GGH: variants seen among roughly 807,000 people sequenced by gnomAD.
GGH encodes gamma-Glu-X carboxypeptidase.
In GGH, 18 loss-of-function variants were observed where a neutral mutation model predicts 39.2. The ratio of observed to expected loss-of-function variants is 0.46; its 90% CI spans 0.32 to 0.68. The LOEUF (loss-of-function observed/expected upper bound fraction) is 0.68. Among genes scored for constraint, GGH ranks in the 30% least tolerant of loss-of-function variants. The pLI, the probability that GGH is intolerant of heterozygous loss-of-function variation, is 0.04. For missense variants in GGH, 367 were observed against 384.1 expected, an observed-to-expected ratio of 0.96 and a Z score of 0.37; for synonymous variants, 147 against 138.8, an observed-to-expected ratio of 1.06 and a Z score of -0.42.
In GGH at chr8:63,015,385, G is replaced by A. The variant is rs909198126; in HGVS notation, c.904C>T (p.Pro302Ser). ...EEKALIYQFS[P>S]IYTGNISSFQ... ...GAAGAAATATTTCCAGTATAAATTG[G>A]ACTGAACTGATAAATCAATGCTTTC... is the stretch of plus-strand genomic sequence containing the variant. The change falls in exon 9 of 9, where the codon CCA becomes TCA. Residue 302 changes from proline to serine, a missense_variant. Physicochemically the swap from Pro to Ser is moderately conservative, Grantham distance 74. Transcript: ENST00000260118. 2 of 1,397,966 alleles carry A rather than the reference G, an allele frequency of 1.4e-6. No individual in the cohort carries two copies. Among genetic ancestry groups the A allele is most frequent in the African/African-American group, 2.8e-5 (2 of 70,536 alleles). The allele number at this position is 1,397,966 out of a possible 1,614,324, so 86.6% of individuals were successfully genotyped here.
At chr8:63,021,172 CT>C (rs766878387) in intron 7 of GGH, among the ~76,000 whole-genome samples, 7 of 152,136 alleles carry the variant, frequency 4.6e-5, no homozygotes, top group Non-Finnish European at 1.0e-4. Context: ...TCCCTTGTGA[CT>C]TGCTTCTTTA....
At position 63,027,240 on chromosome 8, in the gene GGH, C is replaced by T; in HGVS notation, c.301G>A (p.Asp101Asn). The T allele has an allele frequency of 6.3e-7, 1 of 1,597,240 alleles. No homozygotes were observed. The highest frequency in any genetic ancestry group is 8.6e-7 in the Non-Finnish European group (1 of 1,164,982). ...NGILFPGGSV[D>N]LRRSDYAKVA... ...TTAGCATAATCTGAGCGTCTGAGGT[C>T]AACACTTCCTCCAGGGAAAAGGATT... Residue 101 changes from aspartate (D) to asparagine (N), a missense_variant, in exon 4 of 9, where the codon GAC (aspartate) becomes AAC (asparagine). Coordinates refer to ENST00000260118, the MANE Select transcript of GGH (RefSeq NM_003878.3).
chr8:63,035,619 T>C, intron 2 of GGH, 37 bp downstream of exon 2: 1 of 1,564,244 alleles, frequency 6.4e-7, no homozygotes, highest in Non-Finnish European at 8.6e-7. Flanking sequence ...CAATTTTTTA[T>C]ACAGAGTAAA....
chr8:63,030,984 G>A (rs774740582), intron 2 of GGH, among the ~76,000 whole-genome samples: 2 of 152,176 alleles, frequency 1.3e-5, no homozygotes, highest in Non-Finnish European at 2.9e-5. Flanking sequence ...GCAACAATAA[G>A]GGAAGAGAGC....
At position 63,038,776 on chromosome 8, in the gene GGH, G is replaced by C; in HGVS notation, c.-8C>G. The C allele has an allele frequency of 6.8e-7, 1 of 1,465,574 alleles. No individual in the cohort carries two copies. Among genetic ancestry groups the C allele is most frequent in the South Asian group, 1.3e-5 (1 of 78,728 alleles). 90.8% of individuals were successfully genotyped at this position (1,465,574 alleles called of 1,614,324 possible). A position where few individuals can be genotyped will look rare whatever the true frequency, so the allele number is the denominator to read the frequency against. On this transcript the variant is annotated 5_prime_UTR_variant, in exon 1 of 9. Coordinates refer to ENST00000260118, the MANE Select transcript of GGH (RefSeq NM_003878.3). ...GCAGCCCGGACTGGCCATGGCGCTC[G>C]CCGCCTCCCGCCGCCTTTCAAAAGC...
chr8:63,029,243 C>T (rs60800990), intron 3 of GGH, among the ~76,000 whole-genome samples: 30,947 of 152,106 alleles, frequency 0.2, 3,326 homozygotes, highest in East Asian at 0.42. Context: ...TCTTCACCCC[C>T]ACCTTTAACA....
At chr8:63,024,255 T>G in intron 5 of GGH, 69 bp from the exon 6 acceptor site, 1 of 870,836 alleles carries the variant, frequency 1.1e-6, no homozygotes, top group Non-Finnish European at 1.9e-6. Flanking sequence ...AGTCACTTAC[T>G]GCACCCAAAG....
intron 8 of GGH, among the ~76,000 whole-genome samples, chr8:63,016,299 C>G (rs149680491): frequency 4.4e-4 from 67 of 152,230 alleles, no homozygotes; most frequent in African/African-American, 1.5e-3. Context: ...TTCCTTTGGA[C>G]TAATACTGTA....
In GGH at chr8:63,035,731, T is replaced by G; in HGVS notation, c.149A>C (p.Asn50Thr). The G allele has an allele frequency of 6.2e-7, 1 of 1,613,688 alleles. No homozygotes were observed. Among genetic ancestry groups the G allele is most frequent in the Non-Finnish European group, 8.5e-7 (1 of 1,179,922 alleles). Reference sequence around the variant, plus strand: ...CGCAGCAATATAGTATCTTCCATAGTTTTTCATGACTTTATTACGGCATTT... The same window carrying G: ...CGCAGCAATATAGTATCTTCCATAGGTTTTCATGACTTTATTACGGCATTT... ...MQKCRNKVMK[N>T]YGRYYIAASY... The change falls in exon 2 of 9, where the codon AAC (asparagine) becomes ACC (threonine). Residue 50 changes from asparagine to threonine, a missense_variant. Transcript: ENST00000260118.
intron 7 of GGH, among the ~76,000 whole-genome samples, chr8:63,021,533 G>T (rs1804584944): frequency 6.6e-6 from 1 of 152,016 alleles, no homozygotes. Flanking sequence ...CAATCTGATG[G>T]GTATAAATGG....
At chr8:63,020,049 T>C (rs1411502833) in intron 7 of GGH, among the ~76,000 whole-genome samples, 2 of 152,232 alleles carry the variant, frequency 1.3e-5, no homozygotes, top group Non-Finnish European at 2.9e-5. Flanking sequence ...GTTTACAGTT[T>C]TTATTTTTAT....
intron 7 of GGH, among the ~76,000 whole-genome samples, chr8:63,018,332 G>A (rs1446826676): frequency 1.3e-5 from 2 of 151,960 alleles, no homozygotes; most frequent in Non-Finnish European, 2.9e-5. Context: ...GTACATATTT[G>A]TCTCTTCTTC....
chr8:63,015,685 G>C (rs998548670), intron 8 of GGH, among the ~76,000 whole-genome samples: 2 of 151,574 alleles, frequency 1.3e-5, no homozygotes, highest in African/African-American at 4.8e-5. Context: ...GGAAGGGAGG[G>C]AGGCAAATGC....
rs183883666 is a variant in GGH, at chr8:63,034,988, T to C, written c.224+668A>G. Among the ~76,000 whole-genome samples, 190 of 152,252 alleles carry C rather than the reference T, an allele frequency of 1.2e-3. 1 individual carries two copies. In the Middle Eastern group the frequency reaches 0.024, roughly 19 times the overall value. On this transcript the variant is annotated intron_variant, in intron 2 of 8. Transcript: ENST00000260118. Reference sequence around the variant, plus strand: ...TTCAATGAACCAGCCACCCGAGCAATGTACACTGTACCCAATATGTAATTT... The same window carrying C: ...TTCAATGAACCAGCCACCCGAGCAACGTACACTGTACCCAATATGTAATTT...
intron 4 of GGH, 49 bp downstream of exon 4, chr8:63,027,132 A>AAAACTTACAG (rs1218711375): frequency 1.1e-6 from 1 of 900,604 alleles, no homozygotes; most frequent in Non-Finnish European, 1.9e-6. Flanking sequence ...CACTCGCACA[A>AAAACTTACAG]AAACTTACAG....
At chr8:63,032,341 C>G (rs1331029708) in intron 2 of GGH, among the ~76,000 whole-genome samples, 2 of 152,168 alleles carry the variant, frequency 1.3e-5, no homozygotes, top group Non-Finnish European at 2.9e-5. Context: ...CAGCCTGATT[C>G]ATGTTTTAAA....
In GGH at chr8:63,038,739, C is replaced by T. The variant is rs1422230325; in HGVS notation, c.30G>A (p.Val10=). The T allele has an allele frequency of 6.3e-7, 1 of 1,579,746 alleles. No individual in the cohort carries two copies. The highest frequency in any genetic ancestry group is 8.6e-7 in the Non-Finnish European group (1 of 1,165,144). The change falls in exon 1 of 9, where the codon GTG becomes GTA. Residue 10 remains valine, a synonymous_variant. Transcript: ENST00000260118. ...CCGCCCCGCAGAGTAGCAGGCCCAG[C>T]ACGCACAGCAGGCAGCCCGGACTGG... MASPGCLLC[V]LGLLLCGAAS...
At chr8:63,034,660 T>C (rs1804866808) in intron 2 of GGH, among the ~76,000 whole-genome samples, 1 of 152,202 alleles carries the variant, frequency 6.6e-6, no homozygotes, top group Non-Finnish European at 1.5e-5. Context: ...CATTTTATTC[T>C]TATAGGAACA....
At chr8:63,019,763 C>G (rs1804552049) in intron 7 of GGH, among the ~76,000 whole-genome samples, 1 of 152,216 alleles carries the variant, frequency 6.6e-6, no homozygotes, top group Admixed American at 6.5e-5. Flanking sequence ...TGACAATGTT[C>G]CTCCTCATTC....
Sources: gnomAD v4.1 joint callset for allele counts (sites outside exome capture counted in the v4.1 genomes callset) on GRCh38, gnomAD v4.1.1 for gene constraint, MANE v1.5 for transcripts, NCBI Gene and HGNC (gene_info 2026-07-23, HGNC 2026-07-21) for gene names.